PCDHA12: variants seen among roughly 807,000 people sequenced by gnomAD.
The protein encoded by PCDHA12 is protocadherin alpha 12.
A neutral mutation model predicts 60.0 loss-of-function variants in PCDHA12; 44 were observed. The ratio of observed to expected loss-of-function variants is 0.73; its 90% CI spans 0.58 to 0.94. PCDHA12 has a LOEUF of 0.94. Ranked by LOEUF, PCDHA12 falls within the 40% of genes least tolerant of loss-of-function variation. The pLI is 0.00. For synonymous variants in PCDHA12, 569 were observed against 553.0 expected (o/e 1.03, Z -0.40); for missense variants, 1,276 against 1,239.7 (o/e 1.03, Z -0.44).
chr5:140,909,784 C>T (rs1380024637), intron 1 of PCDHA12, among the ~76,000 whole-genome samples: 1 of 152,154 alleles, frequency 6.6e-6, no homozygotes, highest in African/African-American at 2.4e-5. Context: ...TGGACCCACT[C>T]TAAGTCAGAC....
chr5:140,905,086 G>A (rs1454643340), intron 1 of PCDHA12, among the ~76,000 whole-genome samples: 1 of 152,056 alleles, frequency 6.6e-6, no homozygotes, highest in Non-Finnish European at 1.5e-5. Flanking sequence ...CTTTCTTTTG[G>A]GTTCTCAGTC....
chr5:140,914,229 TA>T (rs1253173765), intron 1 of PCDHA12, among the ~76,000 whole-genome samples: 3 of 152,224 alleles, frequency 2.0e-5, no homozygotes, highest in Non-Finnish European at 4.4e-5. Flanking sequence ...GCTCTAATAC[TA>T]TTTGCTTTTT....
intron 1 of PCDHA12, among the ~76,000 whole-genome samples, chr5:140,919,543 T>C (rs2079190617): frequency 6.6e-6 from 1 of 152,200 alleles, no homozygotes; most frequent in Non-Finnish European, 1.5e-5. Context: ...ATACTTTTCA[T>C]TTACTGATTT....
chr5:140,959,413 T>G (rs1328731924), intron 1 of PCDHA12, among the ~76,000 whole-genome samples: 1 of 152,152 alleles, frequency 6.6e-6, no homozygotes, highest in Admixed American at 6.6e-5. Context: ...TGTTGATTGA[T>G]CTGAGAATTT....
intron 1 of PCDHA12, among the ~76,000 whole-genome samples, chr5:140,944,308 C>T (rs1385219466): frequency 6.6e-6 from 1 of 152,138 alleles, no homozygotes; most frequent in Non-Finnish European, 1.5e-5. Context: ...CTACCTCAGC[C>T]TCCTGAGTAG....
chr5:141,006,789 CT>C (rs2098288759), intron 3 of PCDHA12, among the ~76,000 whole-genome samples: 2 of 152,026 alleles, frequency 1.3e-5, no homozygotes, highest in Admixed American at 6.5e-5. Flanking sequence ...GAATAATTAG[CT>C]TTGAACTTTC....
At chr5:140,920,405 A>T (rs1253203896) in intron 1 of PCDHA12, among the ~76,000 whole-genome samples, 1 of 152,118 alleles carries the variant, frequency 6.6e-6, no homozygotes, top group Non-Finnish European at 1.5e-5. Context: ...TCTTTTTTTA[A>T]TCAGATACAG....
chr5:140,916,492 C>T (rs1310558218), intron 1 of PCDHA12, among the ~76,000 whole-genome samples: 2 of 152,170 alleles, frequency 1.3e-5, no homozygotes, highest in Admixed American at 6.5e-5. Context: ...GCTCTTTAGT[C>T]AGCAGGTGAT....
chr5:140,927,374 A>G (rs1026302775), intron 1 of PCDHA12: 5 of 1,614,100 alleles, frequency 3.1e-6, no homozygotes, highest in Non-Finnish European at 4.2e-6. Context: ...ATACTAAGCT[A>G]CAGCCTAAGC....
intron 1 of PCDHA12, chr5:140,968,878 T>A (rs1554231201): frequency 6.2e-7 from 1 of 1,614,244 alleles, no homozygotes; most frequent in South Asian, 1.1e-5. Flanking sequence ...ACTCTGAAAT[T>A]ACCCTTTATC....
intron 1 of PCDHA12, among the ~76,000 whole-genome samples, chr5:140,941,202 C>CCTTTCTTCCTTTCTTTCTTTCTTT (rs1394736170): frequency 4.2e-3 from 519 of 122,694 alleles, no homozygotes; most frequent in African/African-American, 7.8e-3. Flanking sequence ...TTTCTTTCTT[C>CCTTTCTTCCTTTCTTTCTTTCTTT]CTTTCTTTCT....
At chr5:140,919,262 G>A (rs1482345606) in intron 1 of PCDHA12, among the ~76,000 whole-genome samples, 2 of 152,142 alleles carry the variant, frequency 1.3e-5, no homozygotes, top group African/African-American at 4.8e-5. Context: ...TCTGATATTA[G>A]TGTAGTCACT....
chr5:140,954,225 A>C (rs1554221300), intron 1 of PCDHA12, among the ~76,000 whole-genome samples: 2 of 152,242 alleles, frequency 1.3e-5, no homozygotes, highest in African/African-American at 4.8e-5. Context: ...TGCTATTGTG[A>C]ATAGTGCTGC....
At chr5:140,958,078 G>A (rs1447110228) in intron 1 of PCDHA12, among the ~76,000 whole-genome samples, 1 of 152,064 alleles carries the variant, frequency 6.6e-6, no homozygotes, top group Admixed American at 6.6e-5. Flanking sequence ...GAAGCAAAAA[G>A]TAAAGTTGTA....
At chr5:140,884,204 C>T in intron 1 of PCDHA12, 1 of 1,613,500 alleles carries the variant, frequency 6.2e-7, no homozygotes, top group Non-Finnish European at 8.5e-7. Flanking sequence ...GCCGCACCAC[C>T]GCCTTCTGGT....
At chr5:140,909,353 T>C (rs2074452823) in intron 1 of PCDHA12, among the ~76,000 whole-genome samples, 1 of 152,156 alleles carries the variant, frequency 6.6e-6, no homozygotes, top group Non-Finnish European at 1.5e-5. Flanking sequence ...CCAAGAGATG[T>C]GTTAATTTGT....
At chr5:140,927,133 G>A (rs2083881073) in intron 1 of PCDHA12, 16 of 1,613,984 alleles carry the variant, frequency 9.9e-6, no homozygotes, top group Non-Finnish European at 1.4e-5. Context: ...CAGAGAGCCG[G>A]CGGACCGCGA....
chr5:140,894,603 C>G (rs782068626), intron 1 of PCDHA12, among the ~76,000 whole-genome samples: 1 of 151,756 alleles, frequency 6.6e-6, no homozygotes, highest in African/African-American at 2.4e-5. Context: ...TTTCTCATCT[C>G]TCTTTTCAAA....
intron 1 of PCDHA12, among the ~76,000 whole-genome samples, chr5:140,924,152 C>A (rs1163487854): frequency 6.6e-6 from 1 of 152,176 alleles, no homozygotes. Flanking sequence ...TGAAGAAATG[C>A]ACATCCTAAT....
Sources: allele counts gnomAD v4.1 joint callset (sites outside exome capture counted in the v4.1 genomes callset), GRCh38; gene constraint gnomAD v4.1.1; transcripts MANE v1.5; gene names NCBI Gene and HGNC (gene_info 2026-07-23, HGNC 2026-07-21).